Variants in PCSK5 observed in about 807,000 individuals in gnomAD.
PCSK5 encodes proprotein convertase subtilisin/kexin type 5.
A neutral mutation model predicts 233.2 loss-of-function variants in PCSK5; 129 were observed. The observed-to-expected ratio is 0.55, with a 90% CI of 0.48 to 0.64. PCSK5 has a LOEUF of 0.64. Ranked by LOEUF, PCSK5 falls within the 30% of genes least tolerant of loss-of-function variation. The pLI is 0.00. For synonymous variants in PCSK5, 825 were observed against 879.2 expected (o/e 0.94, Z 1.09); for missense variants, 2,076 against 2,430.1 (o/e 0.85, Z 3.06).
rs565337354 is a variant in PCSK5, at chr9:76,028,678, C to T, written c.632+1641C>T. Among the ~76,000 whole-genome samples, 8 of 152,206 alleles carry T rather than the reference C, an allele frequency of 5.3e-5. No individual in the cohort carries two copies. The East Asian group carries it at 5.8e-4, about 11-fold the overall frequency. On this transcript the variant is annotated intron_variant, in intron 5 of 37. Coordinates refer to ENST00000674117, the MANE Select transcript of PCSK5 (RefSeq NM_001372043.1). ...GAGCAATTTGGGGAGTTCACACTCTCGGAGCCAGAGGCTGCATGACCCCTA... is the reference window on the plus strand; with the variant it reads ...GAGCAATTTGGGGAGTTCACACTCTTGGAGCCAGAGGCTGCATGACCCCTA...
chr9:75,993,482 A>T (rs574300060), intron 3 of PCSK5, among the ~76,000 whole-genome samples: 14 of 152,206 alleles, frequency 9.2e-5, no homozygotes, highest in African/African-American at 3.4e-4. Flanking sequence ...GAGAGATCAC[A>T]TACCATCAAT....
At chr9:76,282,654 T>C (rs1232166041) in intron 24 of PCSK5, among the ~76,000 whole-genome samples, 1 of 152,134 alleles carries the variant, frequency 6.6e-6, no homozygotes, top group African/African-American at 2.4e-5. Context: ...TTTGATTCAG[T>C]GGGTACATGT....
intron 36 of PCSK5, among the ~76,000 whole-genome samples, chr9:76,351,526 A>AAGAG (rs1830153415): frequency 7.5e-6 from 1 of 133,784 alleles, no homozygotes; most frequent in Admixed American, 7.7e-5. Flanking sequence ...GAAAGAAAGA[A>AAGAG]AGAAAGGAAG....
At position 76,121,814 on chromosome 9, in the gene PCSK5, G is replaced by GT. The variant is rs568155033; in HGVS notation, c.1209-12268dup. Among the ~76,000 whole-genome samples the GT allele has an allele frequency of 5.5e-4, 34 of 61,784 alleles. 7 individuals carry two copies. The highest frequency in any genetic ancestry group is 1.3e-3 in the East Asian group (2 of 1,508). 40.5% of individuals were successfully genotyped at this position (61,784 alleles called of 152,430 possible). On this transcript the variant is annotated intron_variant, in intron 9 of 37. Coordinates refer to ENST00000674117, the MANE Select transcript of PCSK5 (RefSeq NM_001372043.1). ...AATACTATAAACATCTCTTGTATTGGTTTTTTTTTTTTTTTTTTTTTTTTT... is the reference window on the plus strand; with the variant it reads ...AATACTATAAACATCTCTTGTATTGGTTTTTTTTTTTTTTTTTTTTTTTTTT...
upstream of PCSK5, among the ~76,000 whole-genome samples, chr9:75,890,229 G>A (rs2131168333): frequency 6.6e-6 from 1 of 152,324 alleles, no homozygotes; most frequent in South Asian, 2.1e-4. Flanking sequence ...TGAAAAGCAT[G>A]AAGAATTAAC....
chr9:76,089,978 T>C (rs1461109367), intron 7 of PCSK5, among the ~76,000 whole-genome samples: 1 of 152,092 alleles, frequency 6.6e-6, no homozygotes, highest in Non-Finnish European at 1.5e-5. Context: ...ACAAAGAGAG[T>C]ATTTACAGGT....
chr9:76,214,459 A>C (rs1357615327), intron 20 of PCSK5, among the ~76,000 whole-genome samples: 1 of 152,146 alleles, frequency 6.6e-6, no homozygotes, highest in Non-Finnish European at 1.5e-5. Context: ...TGGTTAAAAG[A>C]GGAGAGTTTG....
chr9:76,278,284 T>C (rs1827753177), intron 24 of PCSK5, among the ~76,000 whole-genome samples: 1 of 149,620 alleles, frequency 6.7e-6, no homozygotes, highest in Non-Finnish European at 1.5e-5. Flanking sequence ...AAGGAGATTA[T>C]ACAAACATCT....
At chr9:76,177,297 A>AAAAAG (rs1273430836) in intron 14 of PCSK5, among the ~76,000 whole-genome samples, 8 of 152,220 alleles carry the variant, frequency 5.3e-5, no homozygotes, top group Admixed American at 3.3e-4. Flanking sequence ...AGTCTCAAAA[A>AAAAAG]AAAAGAAAAG....
chr9:76,242,764 G>A (rs747489067), intron 24 of PCSK5, among the ~76,000 whole-genome samples: 28 of 152,302 alleles, frequency 1.8e-4, no homozygotes, highest in Non-Finnish European at 3.2e-4. Flanking sequence ...GCTGTTGTGT[G>A]TTGTGTGCCC....
chr9:76,209,221 G>A (rs750156214), intron 20 of PCSK5, among the ~76,000 whole-genome samples: 7 of 152,274 alleles, frequency 4.6e-5, no homozygotes, highest in Middle Eastern at 3.4e-3. Flanking sequence ...CAACTCCAGC[G>A]TAATGTACAC....
chr9:76,169,967 G>A, intron 13 of PCSK5, 127 bp downstream of exon 13: 1 of 714,512 alleles, frequency 1.4e-6, no homozygotes, highest in Non-Finnish European at 2.4e-6. Flanking sequence ...TGTGTGCTTT[G>A]AATTACCTGC....
chr9:75,930,751 G>C (rs926032729), intron 1 of PCSK5, among the ~76,000 whole-genome samples: 2 of 152,192 alleles, frequency 1.3e-5, no homozygotes, highest in African/African-American at 4.8e-5. Flanking sequence ...TTACCAAAGA[G>C]TGCTTTTGAC....
chr9:75,972,481 T>G (rs1214786860), intron 2 of PCSK5, among the ~76,000 whole-genome samples: 1 of 152,222 alleles, frequency 6.6e-6, no homozygotes, highest in Non-Finnish European at 1.5e-5. Context: ...GTATGACCAT[T>G]TTCACGATGT....
At position 76,187,020 on chromosome 9, in the gene PCSK5, G is replaced by A. The variant is rs182215709; in HGVS notation, c.2283-1558G>A. Among the ~76,000 whole-genome samples, 167 of 152,004 alleles carry A rather than the reference G, an allele frequency of 1.1e-3. 1 individual carries two copies. In the Middle Eastern group the frequency reaches 0.014, roughly 12 times the overall value. On this transcript the variant is annotated intron_variant, in intron 17 of 37. Coordinates refer to ENST00000674117, the MANE Select transcript of PCSK5 (RefSeq NM_001372043.1). ...AAATAGTGGTGAAGAACAAACAGGG[G>A]AAAAAATATATCAGTGCACAAAATC...
At chr9:75,983,504 G>C (rs868470881) in intron 2 of PCSK5, among the ~76,000 whole-genome samples, 15 of 152,332 alleles carry the variant, frequency 9.8e-5, no homozygotes, top group Middle Eastern at 6.8e-3. Context: ...TCCAAAGGGA[G>C]AGAGTACTCT....
intron 2 of PCSK5, among the ~76,000 whole-genome samples, chr9:75,965,669 A>T (rs1825552503): frequency 6.6e-6 from 1 of 152,190 alleles, no homozygotes. Context: ...TTATACCCAA[A>T]GAGAGTATTT....
At chr9:75,940,667 C>G (rs1323183002) in intron 2 of PCSK5, among the ~76,000 whole-genome samples, 1 of 152,214 alleles carries the variant, frequency 6.6e-6, no homozygotes, top group Non-Finnish European at 1.5e-5. Flanking sequence ...AATGGAGTAA[C>G]TGGAGTACAG....
chr9:76,084,857 A>G (rs569828837), intron 7 of PCSK5, among the ~76,000 whole-genome samples: 3 of 152,282 alleles, frequency 2.0e-5, no homozygotes, highest in African/African-American at 7.2e-5. Flanking sequence ...TTTAAAGTAT[A>G]TATGGCTTAG....
Sources: allele counts gnomAD v4.1 joint callset (sites outside exome capture counted in the v4.1 genomes callset), GRCh38; gene constraint gnomAD v4.1.1; transcripts MANE v1.5; gene names NCBI Gene and HGNC (gene_info 2026-07-23, HGNC 2026-07-21).